WDR7: variants seen among roughly 807,000 people sequenced by gnomAD.
WDR7 encodes the protein WD repeat domain 7.
In WDR7, 46 loss-of-function variants were observed where a neutral mutation model predicts 169.4. The ratio of observed to expected loss-of-function variants is 0.27; its 90% CI spans 0.21 to 0.35. WDR7 has a LOEUF of 0.35. Among genes scored for constraint, WDR7 ranks in the 10% least tolerant of loss-of-function variants. The pLI is 1.00. For missense variants in WDR7, 1,534 were observed against 1,859.3 expected, an observed-to-expected ratio of 0.83 and a Z score of 3.22; for synonymous variants, 612 against 666.8, an observed-to-expected ratio of 0.92 and a Z score of 1.27.
At chr18:56,811,937 T>C (rs2044875930) in intron 19 of WDR7, among the ~76,000 whole-genome samples, 1 of 152,214 alleles carries the variant, frequency 6.6e-6, no homozygotes, top group Admixed American at 6.5e-5. Flanking sequence ...CAGAATTGTT[T>C]TGTCCTAATT....
intron 25 of WDR7, among the ~76,000 whole-genome samples, chr18:56,948,665 T>C (rs967176934): frequency 6.6e-6 from 1 of 152,264 alleles, no homozygotes; most frequent in Non-Finnish European, 1.5e-5. Context: ...CCTTCTGTTA[T>C]GACTTACTGC....
At chr18:56,702,140 G>A (rs1331315657) in intron 12 of WDR7, among the ~76,000 whole-genome samples, 2 of 152,156 alleles carry the variant, frequency 1.3e-5, no homozygotes, top group Non-Finnish European at 2.9e-5. Flanking sequence ...AATGCCTTTG[G>A]AGTGCTGCGG....
chr18:56,932,891 G>A (rs576933295), intron 22 of WDR7, among the ~76,000 whole-genome samples: 33 of 152,132 alleles, frequency 2.2e-4, no homozygotes, highest in Non-Finnish European at 4.1e-4. Flanking sequence ...GTGTGTGTGT[G>A]TGTGTGTGTG....
intron 26 of WDR7, 94 bp from the exon 27 acceptor site, chr18:57,020,651 G>A (rs2048276029): frequency 9.0e-7 from 1 of 1,113,400 alleles, no homozygotes; most frequent in Non-Finnish European, 1.3e-6. Flanking sequence ...TAATACCCAT[G>A]ACGTAACTTG....
intron 7 of WDR7, among the ~76,000 whole-genome samples, chr18:56,688,488 G>A (rs1334417438): frequency 6.6e-6 from 1 of 151,156 alleles, no homozygotes; most frequent in Non-Finnish European, 1.5e-5. Context: ...GAGGCCCGAG[G>A]CAGGCAGATC....
intron 20 of WDR7, among the ~76,000 whole-genome samples, chr18:56,826,079 G>A (rs576658279): frequency 1.4e-3 from 214 of 152,342 alleles, no homozygotes; most frequent in Non-Finnish European, 2.6e-3. Context: ...GTGGGTGGTA[G>A]AGGGAAGCCA....
chr18:56,922,349 G>A (rs560608502), intron 21 of WDR7, among the ~76,000 whole-genome samples: 126 of 152,144 alleles, frequency 8.3e-4, no homozygotes, highest in African/African-American at 2.8e-3. Flanking sequence ...ACTTACTGAG[G>A]AAAAGGGAAA....
chr18:56,963,219 T>TA (rs2047360954), intron 26 of WDR7, among the ~76,000 whole-genome samples: 1 of 152,144 alleles, frequency 6.6e-6, no homozygotes. Context: ...GTCGCACTGT[T>TA]ACTTCACAAA....
At chr18:56,889,724 AT>A (rs1253526338) in intron 21 of WDR7, among the ~76,000 whole-genome samples, 89 of 152,316 alleles carry the variant, frequency 5.8e-4, no homozygotes, top group African/African-American at 2.1e-3. Flanking sequence ...TATAAAGAAG[AT>A]TCAGAACTGC....
intron 26 of WDR7, among the ~76,000 whole-genome samples, chr18:57,001,602 A>G (rs1568308023): frequency 1.3e-5 from 2 of 152,190 alleles, no homozygotes; most frequent in African/African-American, 4.8e-5. Flanking sequence ...GCACAGTTTG[A>G]TAAGTGGTAG....
At chr18:56,960,680 A>C (rs2047326520) in intron 25 of WDR7, among the ~76,000 whole-genome samples, 1 of 150,990 alleles carries the variant, frequency 6.6e-6, no homozygotes, top group Non-Finnish European at 1.5e-5. Context: ...GTAACAAAAC[A>C]GTAAATTGTT....
intron 25 of WDR7, among the ~76,000 whole-genome samples, chr18:56,959,771 C>A (rs1435470844): frequency 1.3e-5 from 2 of 152,200 alleles, no homozygotes; most frequent in African/African-American, 4.8e-5. Flanking sequence ...ATCCATTGAT[C>A]CCTTCAGGGC....
chr18:56,670,309 G>GA (rs1283988132), intron 1 of WDR7, among the ~76,000 whole-genome samples: 1 of 151,868 alleles, frequency 6.6e-6, no homozygotes, highest in Non-Finnish European at 1.5e-5. Context: ...TAAGATATTA[G>GA]AAAAAAATGT....
intron 21 of WDR7, among the ~76,000 whole-genome samples, chr18:56,889,637 T>C (rs2145517498): frequency 6.6e-6 from 1 of 152,310 alleles, no homozygotes; most frequent in South Asian, 2.1e-4. Flanking sequence ...TGCTAAAAAG[T>C]ACGAAGCCTG....
At chr18:57,010,280 AC>A (rs1236043425) in intron 26 of WDR7, 1 of 985,228 alleles carries the variant, frequency 1.0e-6, no homozygotes, top group African/African-American at 1.7e-5. Flanking sequence ...TGCAAGTGAA[AC>A]TTTAATAAAT....
At chr18:56,857,025 C>G (rs1210292604) in intron 20 of WDR7, among the ~76,000 whole-genome samples, 1 of 152,170 alleles carries the variant, frequency 6.6e-6, no homozygotes, top group Non-Finnish European at 1.5e-5. Context: ...TAAGCTAGCA[C>G]AGAAGATCCT....
intron 11 of WDR7, 28 bp downstream of exon 11, chr18:56,695,226 A>T (rs368083393): frequency 4.5e-5 from 72 of 1,600,098 alleles, no homozygotes; most frequent in Non-Finnish European, 6.0e-5. Flanking sequence ...GTATGTCTAA[A>T]GTGTTTTGAC....
At chr18:56,834,824 C>T (rs1234307442) in intron 20 of WDR7, among the ~76,000 whole-genome samples, 1 of 152,148 alleles carries the variant, frequency 6.6e-6, no homozygotes, top group Non-Finnish European at 1.5e-5. Flanking sequence ...AGAAGCAGGG[C>T]TTGATATTTG....
intron 20 of WDR7, among the ~76,000 whole-genome samples, chr18:56,853,681 G>T (rs1444183419): frequency 6.6e-6 from 1 of 152,042 alleles, no homozygotes; most frequent in Non-Finnish European, 1.5e-5. Flanking sequence ...CCACTCTTTT[G>T]AATTTTGTGA....
Sources: allele counts gnomAD v4.1 joint callset (sites outside exome capture counted in the v4.1 genomes callset), GRCh38; gene constraint gnomAD v4.1.1; transcripts MANE v1.5; gene names NCBI Gene and HGNC (gene_info 2026-07-23, HGNC 2026-07-21).